LRP1B: variants seen among roughly 807,000 people sequenced by gnomAD.
LRP1B encodes low-density lipoprotein receptor-related protein 1B.
LRP1B carries 217 observed loss-of-function variants against 556.6 expected under a neutral mutation model. That is an observed-to-expected ratio of 0.39 (90% CI 0.35 to 0.44). The LOEUF (loss-of-function observed/expected upper bound fraction) is 0.44. LRP1B is among the 20% of genes least tolerant of loss of function. The pLI is 1.00. For missense variants in LRP1B, 5,053 were observed against 5,620.8 expected (o/e 0.90, Z 3.23); for synonymous variants, 2,047 against 1,865.8 (o/e 1.10, Z -2.50).
intron 3 of LRP1B, among the ~76,000 whole-genome samples, chr2:141,356,574 A>G (rs2105553081): frequency 7.6e-6 from 1 of 131,278 alleles, no homozygotes; most frequent in East Asian, 1.9e-4. Context: ...TTGAGATGAT[A>G]AGAGGTAACA....
intron 3 of LRP1B, among the ~76,000 whole-genome samples, chr2:141,439,712 A>C (rs947620222): frequency 6.6e-6 from 1 of 152,144 alleles, no homozygotes; most frequent in Non-Finnish European, 1.5e-5. Context: ...TTTTGTAAAA[A>C]ATCAAGGAAT....
chr2:140,358,827 A>C lies in LRP1B; in HGVS notation c.11251T>G (p.Cys3751Gly). The C allele has an allele frequency of 6.2e-7, 1 of 1,607,962 alleles. No individual in the cohort carries two copies. The highest frequency in any genetic ancestry group is 8.5e-7 in the Non-Finnish European group (1 of 1,175,498). The change falls in exon 73 of 91, where the codon TGT (cysteine) becomes GGT (glycine). Residue 3751 changes from cysteine to glycine, a missense_variant. Around this residue, in one of 5 missense-constraint regions of LRP1B, gnomAD observed 599 missense variants for 648.4 expected, o/e 0.92. Coordinates refer to ENST00000389484, the MANE Select transcript of LRP1B (RefSeq NM_018557.3). ...ECGDNSDEDH[C>G]GGKLTYKARP... The stretch of plus-strand genomic sequence containing the variant: ...TCACATTAAATGCATTTACCACCAC[A>C]GTGATCTTCATCTGAATTGTCACCG...
chr2:141,185,651 T>C (rs2105184507), intron 7 of LRP1B, among the ~76,000 whole-genome samples: 1 of 124,100 alleles, frequency 8.1e-6, no homozygotes, highest in South Asian at 2.4e-4. Context: ...GTTAGTAATC[T>C]ATATTTAAAC....
At chr2:140,503,252 T>C (rs541179142) in intron 53 of LRP1B, 149 bp from the exon 54 acceptor site, 1 of 751,918 alleles carries the variant, frequency 1.3e-6, no homozygotes, top group East Asian at 2.7e-5. Flanking sequence ...ACAGTGGTTA[T>C]AGTTGCAAGA....
At chr2:140,964,246 A>G (rs1323149046) in intron 18 of LRP1B, among the ~76,000 whole-genome samples, 1 of 152,164 alleles carries the variant, frequency 6.6e-6, no homozygotes, top group East Asian at 1.9e-4. Context: ...AGGCAGAGCC[A>G]GGTGTACAGG....
chr2:141,184,277 T>C (rs533752224), intron 7 of LRP1B, among the ~76,000 whole-genome samples: 17 of 152,204 alleles, frequency 1.1e-4, no homozygotes, highest in African/African-American at 3.8e-4. Flanking sequence ...TCTTCCCTTA[T>C]GGTGTCCTCA....
intron 60 of LRP1B, among the ~76,000 whole-genome samples, chr2:140,473,996 T>A (rs1485592082): frequency 6.6e-6 from 1 of 151,910 alleles, no homozygotes; most frequent in Non-Finnish European, 1.5e-5. Flanking sequence ...TCACTTAAAT[T>A]GCATCCTGAT....
At chr2:141,400,061 C>T (rs1412316812) in intron 3 of LRP1B, among the ~76,000 whole-genome samples, 1 of 152,058 alleles carries the variant, frequency 6.6e-6, no homozygotes, top group Non-Finnish European at 1.5e-5. Flanking sequence ...TCACGTCTCC[C>T]GGCAGCTTCA....
At chr2:141,903,737 A>G (rs1699684411) in intron 1 of LRP1B, among the ~76,000 whole-genome samples, 1 of 151,970 alleles carries the variant, frequency 6.6e-6, no homozygotes, top group Non-Finnish European at 1.5e-5. Context: ...AAGAGTTTAC[A>G]GATTTGGGGT....
intron 3 of LRP1B, among the ~76,000 whole-genome samples, chr2:141,378,240 C>T (rs1457527702): frequency 6.6e-6 from 1 of 152,122 alleles, no homozygotes; most frequent in Admixed American, 6.5e-5. Context: ...AAGAATATGG[C>T]TCATTCACAG....
At chr2:140,673,549 G>A (rs1685562462) in intron 41 of LRP1B, among the ~76,000 whole-genome samples, 1 of 152,020 alleles carries the variant, frequency 6.6e-6, no homozygotes, top group Non-Finnish European at 1.5e-5. Context: ...CTATATCTAT[G>A]AACAGTCTAT....
chr2:141,596,656 T>G (rs2105302120), intron 2 of LRP1B, among the ~76,000 whole-genome samples: 1 of 152,146 alleles, frequency 6.6e-6, no homozygotes, highest in East Asian at 1.9e-4. Context: ...ATTTCATCAC[T>G]TGAAAAGGAT....
Position 141,182,383 on chromosome 2 carries a change from T to G in LRP1B, c.1013+6038A>C, listed in dbSNP as rs1006621166. Among the ~76,000 whole-genome samples the G allele has an allele frequency of 5.9e-5, 9 of 151,906 alleles. No individual in the cohort carries two copies. In the South Asian group the frequency reaches 1.2e-3, roughly 21 times the overall value. ...TTATGTTGCATCAATACCCACTGAT[T>G]AAAAGAAGTGGGCAAATAACCCCTT... On this transcript the variant is annotated intron_variant, in intron 7 of 90. Coordinates refer to ENST00000389484, the MANE Select transcript of LRP1B (RefSeq NM_018557.3).
chr2:140,856,469 T>C (rs1573808622), intron 27 of LRP1B, among the ~76,000 whole-genome samples: 1 of 152,352 alleles, frequency 6.6e-6, no homozygotes, highest in Admixed American at 6.5e-5. Flanking sequence ...TGTTGGTCTT[T>C]CTAGCTAAAC....
At chr2:140,814,943 T>C (rs1559135413) in intron 31 of LRP1B, among the ~76,000 whole-genome samples, 1 of 152,190 alleles carries the variant, frequency 6.6e-6, no homozygotes, top group Non-Finnish European at 1.5e-5. Flanking sequence ...GGCACACATC[T>C]ACTTAACTAC....
chr2:140,541,150 T>G (rs1680120333), intron 44 of LRP1B, 52 bp from the exon 45 acceptor site: 2 of 1,444,000 alleles, frequency 1.4e-6, no homozygotes, highest in African/African-American at 2.8e-5. Flanking sequence ...TCCTGTTCTA[T>G]GTTAGATAAA....
chr2:141,483,866 C>T (rs112358004), intron 2 of LRP1B, among the ~76,000 whole-genome samples: 123,453 of 147,900 alleles, frequency 0.83, 52,388 homozygotes, highest in East Asian at 0.93. Flanking sequence ...GATATTAGCC[C>T]TTTGTCAGAT....
chr2:140,472,562 T>A (rs773298792), intron 60 of LRP1B, among the ~76,000 whole-genome samples: 11 of 151,968 alleles, frequency 7.2e-5, no homozygotes, highest in Non-Finnish European at 1.5e-4. Flanking sequence ...TTAGGGTAGA[T>A]CGGGGAGCAA....
At position 141,170,320 on chromosome 2, in the gene LRP1B, T is replaced by C. The variant is rs948552424; in HGVS notation, c.1013+18101A>G. 3.9e-5 allele frequency among the ~76,000 whole-genome samples: 6 copies of C among 152,182 alleles called. No homozygotes were observed. The South Asian group carries it at 1.2e-3, about 32-fold the overall frequency. ...TTTGATTTCTCTCATTCTGGTCTTG[T>C]TGCTAGCAAGGTCTCACACGGAACT... On this transcript the variant is annotated intron_variant, in intron 7 of 90. Transcript: ENST00000389484.
Sources: gnomAD v4.1 joint callset for allele counts (sites outside exome capture counted in the v4.1 genomes callset) on GRCh38, gnomAD v4.1.1 for gene constraint, gnomAD v4.1.1 regional missense constraint, MANE v1.5 for transcripts, NCBI Gene and HGNC (gene_info 2026-07-23, HGNC 2026-07-21) for gene names.